The following TEAD1 variants were observed in gnomAD, a reference collection of about 807,000 sequenced individuals.
TEAD1 encodes TEA domain transcription factor 1.
Under a neutral mutation model 54.9 loss-of-function variants are expected in TEAD1, and 9 were observed. That is an observed-to-expected ratio of 0.16 (90% CI 0.10 to 0.29). The LOEUF is 0.29. Among genes scored for constraint, TEAD1 ranks in the 10% least tolerant of loss-of-function variants. The probability of loss-of-function intolerance (pLI) is 1.00; values close to 1 mark genes in which losing one functional copy is unlikely to be tolerated. For missense variants in TEAD1, 387 were observed against 535.9 expected (o/e 0.72, Z 2.74); for synonymous variants, 200 against 187.8 (o/e 1.07, Z -0.53).
intron 2 of TEAD1, among the ~76,000 whole-genome samples, chr11:12,711,060 T>G (rs1001821885): frequency 1.3e-5 from 2 of 152,146 alleles, no homozygotes; most frequent in African/African-American, 4.8e-5. Flanking sequence ...TGGATTGATC[T>G]GTTGGTGACT....
rs183743816 is a variant in TEAD1 at position 12,933,292 on chromosome 11, C to T, written c.1167+2966C>T. On this transcript the variant is annotated intron_variant, in intron 12 of 12. Transcript: ENST00000527636. ...ATTCCTTTAATATGGAGAATTAATA[C>T]CTATCAATCAATATATATTAGAATT... Among the ~76,000 whole-genome samples the T allele has an allele frequency of 6.6e-5, 10 of 152,208 alleles. No homozygotes were observed. In the East Asian group the frequency reaches 1.9e-3, roughly 29 times the overall value.
rs75612398 is a variant in TEAD1 at position 12,721,103 on chromosome 11, C to T, written c.-54-43076C>T. On this transcript the variant is annotated intron_variant, in intron 2 of 12. Coordinates refer to ENST00000527636, the MANE Select transcript of TEAD1 (RefSeq NM_021961.6). ...GAATGTGGTTCTGAGTCCAGACTCTCACTTACTGCCTGGTGTATTGGACAA... is the reference window on the plus strand; with the variant it reads ...GAATGTGGTTCTGAGTCCAGACTCTTACTTACTGCCTGGTGTATTGGACAA... Among the ~76,000 whole-genome samples, 344 of 152,340 alleles carry T rather than the reference C, an allele frequency of 2.3e-3. 1 individual carries two copies. Among genetic ancestry groups the T allele is most frequent in the African/African-American group, 7.4e-3 (308 of 41,578 alleles).
chr11:12,730,717 T>TTTG (rs1944408015), intron 2 of TEAD1, among the ~76,000 whole-genome samples: 2 of 146,504 alleles, frequency 1.4e-5, no homozygotes, highest in Non-Finnish European at 3.0e-5. Flanking sequence ...TTTTTTTTTT[T>TTTG]GGAGATAGAG....
intron 2 of TEAD1, among the ~76,000 whole-genome samples, chr11:12,676,465 C>A (rs962345461): frequency 1.3e-5 from 2 of 152,248 alleles, no homozygotes; most frequent in African/African-American, 2.4e-5. Context: ...GAACAGTCTT[C>A]AGGCTACGCC....
intron 3 of TEAD1, among the ~76,000 whole-genome samples, chr11:12,861,960 T>G (rs1947512532): frequency 6.7e-6 from 1 of 149,260 alleles, no homozygotes; most frequent in Non-Finnish European, 1.5e-5. Context: ...CACTCCAGCC[T>G]GGGCAACAAG....
At position 12,842,098 on chromosome 11, in the gene TEAD1, A is replaced by G. The variant is rs114170818; in HGVS notation, c.203-20152A>G. Among the ~76,000 whole-genome samples, 796 of 152,296 alleles carry G rather than the reference A, an allele frequency of 5.2e-3. 4 individuals are homozygous for G. The highest frequency in any genetic ancestry group is 0.018 in the African/African-American group (768 of 41,560). Reference sequence around the variant, plus strand: ...AAACAAAACAAAACAAAACAGGCAAATGTGAATCATGGGAACCTATTATAA... The same window carrying G: ...AAACAAAACAAAACAAAACAGGCAAGTGTGAATCATGGGAACCTATTATAA... On this transcript the variant is annotated intron_variant, in intron 3 of 12. Transcript: ENST00000527636.
At chr11:12,680,411 C>T (rs1943193894) in intron 2 of TEAD1, among the ~76,000 whole-genome samples, 1 of 152,242 alleles carries the variant, frequency 6.6e-6, no homozygotes, top group Non-Finnish European at 1.5e-5. Flanking sequence ...TTTGCTCTGG[C>T]ACTTAAGAAC....
chr11:12,812,858 A>G (rs1441016272), intron 3 of TEAD1, among the ~76,000 whole-genome samples: 1 of 152,194 alleles, frequency 6.6e-6, no homozygotes. Context: ...AGCCAGTGAG[A>G]TTTCTAATAC....
chr11:12,859,319 A>G (rs1310041576), intron 3 of TEAD1, among the ~76,000 whole-genome samples: 1 of 152,254 alleles, frequency 6.6e-6, no homozygotes, highest in African/African-American at 2.4e-5. Context: ...GGTAGGAGAC[A>G]TTTTTGTCAT....
chr11:12,852,606 T>C (rs1057119262), intron 3 of TEAD1, among the ~76,000 whole-genome samples: 2 of 151,812 alleles, frequency 1.3e-5, no homozygotes, highest in Non-Finnish European at 2.9e-5. Flanking sequence ...TGCCACCACG[T>C]CAGGCTAATT....
chr11:12,713,608 A>G (rs1199689282), intron 2 of TEAD1, among the ~76,000 whole-genome samples: 1 of 152,166 alleles, frequency 6.6e-6, no homozygotes, highest in African/African-American at 2.4e-5. Context: ...GCCTGATAAA[A>G]CCAGAAGCAG....
chr11:12,728,041 C>T (rs1944348368), intron 2 of TEAD1, among the ~76,000 whole-genome samples: 1 of 152,138 alleles, frequency 6.6e-6, no homozygotes, highest in Non-Finnish European at 1.5e-5. Context: ...TGATGATGGG[C>T]AGGACACAGC....
intron 3 of TEAD1, among the ~76,000 whole-genome samples, chr11:12,815,598 C>T (rs775501713): frequency 5.3e-5 from 8 of 152,160 alleles, no homozygotes; most frequent in Non-Finnish European, 1.0e-4. Flanking sequence ...ACAGGTGTTT[C>T]AACTAGATGT....
At position 12,937,480 on chromosome 11, in the gene TEAD1, T is replaced by G. The variant is rs575348699; in HGVS notation, c.*258T>G. ...GAGTTGTTTCTCTATGTTCTTCAGA[T>G]GTGCAGCCCACAATTCCTCGGGAAA... On this transcript the variant is annotated 3_prime_UTR_variant, in exon 13 of 13. Coordinates refer to ENST00000527636, the MANE Select transcript of TEAD1 (RefSeq NM_021961.6). 3 of 339,184 alleles carry G rather than the reference T, an allele frequency of 8.8e-6. No individual in the cohort carries two copies. The highest frequency in any genetic ancestry group is 8.4e-5 in the Admixed American group (2 of 23,734). 21.0% of individuals were successfully genotyped at this position (339,184 alleles called of 1,614,324 possible).
Position 12,841,101 on chromosome 11 carries a change from G to A in TEAD1, c.203-21149G>A, listed in dbSNP as rs554311756. Among the ~76,000 whole-genome samples the A allele has an allele frequency of 3.9e-5, 6 of 152,350 alleles. No homozygotes were observed. The East Asian group carries it at 1.2e-3, about 29-fold the overall frequency. The stretch of plus-strand genomic sequence containing the variant: ...GAAGTTACATTATTTTATGGATGCA[G>A]AGAGGGACACAGACCCAGATTTATT... On this transcript the variant is annotated intron_variant, in intron 3 of 12. Coordinates refer to ENST00000527636, the MANE Select transcript of TEAD1 (RefSeq NM_021961.6).
chr11:12,707,187 G>T (rs1322793559), intron 2 of TEAD1, among the ~76,000 whole-genome samples: 2 of 127,594 alleles, frequency 1.6e-5, no homozygotes, highest in African/African-American at 3.0e-5. Flanking sequence ...TGCTATACTT[G>T]TGCGGCTGGT....
chr11:12,837,753 T>C (rs1313559680), intron 3 of TEAD1, among the ~76,000 whole-genome samples: 1 of 129,614 alleles, frequency 7.7e-6, no homozygotes, highest in Non-Finnish European at 1.5e-5. Context: ...TTCTTCCTCC[T>C]CTTCCTCTTC....
At chr11:12,758,405 GT>G (rs1200374096) in intron 2 of TEAD1, among the ~76,000 whole-genome samples, 1,608 of 85,744 alleles carry the variant, frequency 0.019, 12 homozygotes, top group African/African-American at 0.074. Context: ...CGCCCAGCTA[GT>G]TTTTTTTTTT....
At chr11:12,899,264 A>AG (rs1948376853) in intron 9 of TEAD1, among the ~76,000 whole-genome samples, 2 of 148,088 alleles carry the variant, frequency 1.4e-5, no homozygotes, top group South Asian at 4.4e-4. Flanking sequence ...GTTGTTAATC[A>AG]GGGTTGGATG....
Sources: allele counts gnomAD v4.1 joint callset (sites outside exome capture counted in the v4.1 genomes callset), GRCh38; gene constraint gnomAD v4.1.1; transcripts MANE v1.5; gene names NCBI Gene and HGNC (gene_info 2026-07-23, HGNC 2026-07-21).